CLIP1: variants seen among roughly 807,000 people sequenced by gnomAD.
CLIP1 encodes CAP-Gly domain-containing linker protein 1.
CLIP1 carries 66 observed loss-of-function variants against 161.6 expected under a neutral mutation model. The ratio of observed to expected loss-of-function variants is 0.41; its 90% CI spans 0.33 to 0.50. The LOEUF is 0.50. Ranked by LOEUF, CLIP1 falls within the 20% of genes least tolerant of loss-of-function variation. The pLI is 0.27. For missense variants in CLIP1, 1,376 were observed against 1,702.0 expected (o/e 0.81, Z 3.37); for synonymous variants, 598 against 626.2 (o/e 0.96, Z 0.67).
At chr12:122,281,731 T>A (rs2136239538) in intron 21 of CLIP1, among the ~76,000 whole-genome samples, 1 of 151,826 alleles carries the variant, frequency 6.6e-6, no homozygotes, top group African/African-American at 2.4e-5. Flanking sequence ...AAATCCTGGG[T>A]TTCTTATGTT....
At chr12:122,274,006 T>TA in intron 25 of CLIP1, 32 bp downstream of exon 25, 3 of 1,608,192 alleles carry the variant, frequency 1.9e-6, no homozygotes, top group Non-Finnish European at 1.7e-6. Flanking sequence ...GTGCTGGGAT[T>TA]ATAGCAATCA....
chr12:122,348,185 T>C (rs546230327), intron 9 of CLIP1, among the ~76,000 whole-genome samples: 3 of 152,252 alleles, frequency 2.0e-5, no homozygotes, highest in East Asian at 3.9e-4. Context: ...GAAGAGGCCA[T>C]GGAAGCTCTA....
At chr12:122,327,838 G>A in intron 17 of CLIP1, 109 bp downstream of exon 17, 1 of 933,086 alleles carries the variant, frequency 1.1e-6, no homozygotes, top group Non-Finnish European at 1.7e-6. Context: ...AACGTCTGTA[G>A]AGGCCACCTT....
At chr12:122,381,855 G>C (rs1955025337) in intron 1 of CLIP1, among the ~76,000 whole-genome samples, 1 of 152,202 alleles carries the variant, frequency 6.6e-6, no homozygotes. Context: ...CATCTTTGCA[G>C]ATATAATTAA....
chr12:122,341,757 C>CTTTT (rs1952510340), intron 10 of CLIP1, 60 bp from the exon 11 acceptor site: 2 of 89,000 alleles, frequency 2.2e-5, no homozygotes, highest in Admixed American at 1.8e-4. Flanking sequence ...TGACTATTTT[C>CTTTT]TTTTCTTTTT....
intron 12 of CLIP1, among the ~76,000 whole-genome samples, chr12:122,335,717 G>C (rs897228083): frequency 6.6e-6 from 1 of 151,716 alleles, no homozygotes; most frequent in Non-Finnish European, 1.5e-5. Context: ...TGAGGCAGGA[G>C]AATTTCTTGA....
chr12:122,273,716 T>C (rs973066046), intron 25 of CLIP1, among the ~76,000 whole-genome samples: 12 of 152,240 alleles, frequency 7.9e-5, no homozygotes, highest in Non-Finnish European at 5.9e-5. Context: ...TTTATTTTGA[T>C]GAAACTAAGG....
chr12:122,356,237 C>G (rs576088361), intron 5 of CLIP1: 1 of 152,178 alleles, frequency 6.6e-6, no homozygotes, highest in Non-Finnish European at 1.5e-5. Flanking sequence ...ATGTGTGGTT[C>G]CCAAACCATG....
At chr12:122,337,751 C>A (rs1166045270) in intron 11 of CLIP1, among the ~76,000 whole-genome samples, 1 of 152,056 alleles carries the variant, frequency 6.6e-6, no homozygotes, top group East Asian at 1.9e-4. Flanking sequence ...CACGGTGGCT[C>A]ACGCCTGTAA....
chr12:122,416,040 C>A (rs1956743531), intron 1 of CLIP1, among the ~76,000 whole-genome samples: 2 of 151,820 alleles, frequency 1.3e-5, no homozygotes, highest in Non-Finnish European at 2.9e-5. Context: ...GAGTTCAAGA[C>A]CAGCCTGGCC....
chr12:122,346,739 G>A (rs1420019692), intron 10 of CLIP1, among the ~76,000 whole-genome samples: 1 of 152,180 alleles, frequency 6.6e-6, no homozygotes, highest in Non-Finnish European at 1.5e-5. Context: ...CTGACCTCAA[G>A]TAATCTGCCT....
intron 1 of CLIP1, among the ~76,000 whole-genome samples, chr12:122,421,540 A>G (rs1007968997): frequency 1.3e-5 from 2 of 152,152 alleles, no homozygotes; most frequent in African/African-American, 2.4e-5. Flanking sequence ...TGAATCACAC[A>G]CACACAATTA....
chr12:122,421,969 C>A (rs1307619361), intron 1 of CLIP1, among the ~76,000 whole-genome samples: 1 of 152,252 alleles, frequency 6.6e-6, no homozygotes, highest in African/African-American at 2.4e-5. Flanking sequence ...CCGAGAATCA[C>A]AGCCCCACTT....
intron 20 of CLIP1, among the ~76,000 whole-genome samples, chr12:122,308,706 T>A (rs1318943438): frequency 6.6e-6 from 1 of 152,246 alleles, no homozygotes; most frequent in Non-Finnish European, 1.5e-5. Context: ...CACTTATTTG[T>A]GCCTGTCACA....
intron 3 of CLIP1, among the ~76,000 whole-genome samples, chr12:122,371,314 A>G (rs1440690417): frequency 6.6e-6 from 1 of 151,898 alleles, no homozygotes; most frequent in Admixed American, 6.6e-5. Context: ...AAAGCTCCAA[A>G]CTCCCAAGCC....
At chr12:122,373,558 T>G (rs1222797118) in intron 3 of CLIP1, among the ~76,000 whole-genome samples, 1 of 151,488 alleles carries the variant, frequency 6.6e-6, no homozygotes, top group Non-Finnish European at 1.5e-5. Context: ...GACATACTTG[T>G]ATACTGTTTG....
chr12:122,337,684 T>C (rs988656202), intron 11 of CLIP1, among the ~76,000 whole-genome samples: 13 of 152,154 alleles, frequency 8.5e-5, no homozygotes, highest in Non-Finnish European at 1.3e-4. Context: ...GATGCTTACT[T>C]TCTAAATGAG....
chr12:122,318,799 G>C (rs1000432784), intron 18 of CLIP1, among the ~76,000 whole-genome samples: 1 of 152,140 alleles, frequency 6.6e-6, no homozygotes, highest in African/African-American at 2.4e-5. Flanking sequence ...TGCTCCAAAA[G>C]TGACTCATTC....
At chr12:122,371,139 T>C (rs1954432079) in intron 3 of CLIP1, among the ~76,000 whole-genome samples, 1 of 152,174 alleles carries the variant, frequency 6.6e-6, no homozygotes, top group South Asian at 2.1e-4. Flanking sequence ...GCTCAAGATA[T>C]TTTTGTGATT....
Sources: gnomAD v4.1 joint callset for allele counts (sites outside exome capture counted in the v4.1 genomes callset) on GRCh38, gnomAD v4.1.1 for gene constraint, MANE v1.5 for transcripts, NCBI Gene and HGNC (gene_info 2026-07-23, HGNC 2026-07-21) for gene names.